Variants in XPA observed in about 807,000 individuals in gnomAD.
XPA encodes the protein DNA repair protein complementing XP-A cells.
Under a neutral mutation model 35.7 loss-of-function variants are expected in XPA, and 27 were observed. The observed-to-expected ratio is 0.76, with a 90% CI of 0.56 to 1.04. The LOEUF is 1.04. Among genes scored for constraint, XPA ranks in the 50% least tolerant of loss-of-function variants. The pLI is 0.00. For synonymous variants in XPA, 133 were observed against 118.4 expected (o/e 1.12, Z -0.80); for missense variants, 354 against 342.7 (o/e 1.03, Z -0.26).
In XPA at chr9:97,675,411, C is replaced by A; in HGVS notation, c.*28G>T. The A allele has an allele frequency of 6.2e-7, 1 of 1,602,524 alleles. No individual in the cohort carries two copies. Among genetic ancestry groups the A allele is most frequent in the Admixed American group, 1.7e-5 (1 of 58,752 alleles). The stretch of plus-strand genomic sequence containing the variant: ...ATTTCCTTTATTTAAATATAAAATT[C>A]TATAAAACAGGTCACTGAACTAAAA... On this transcript the variant is annotated 3_prime_UTR_variant, in exon 6 of 6. Transcript: ENST00000375128.
At chr9:97,679,248 G>GA (rs944061456) in intron 5 of XPA, among the ~76,000 whole-genome samples, 10 of 152,188 alleles carry the variant, frequency 6.6e-5, no homozygotes, top group African/African-American at 2.2e-4. Flanking sequence ...AAATGGTTCG[G>GA]AAAAAAATAA....
chr9:97,668,802 G>T, the XPA span: 1 of 1,593,276 alleles, frequency 6.3e-7, no homozygotes, highest in Non-Finnish European at 8.6e-7. Flanking sequence ...TTAACACACT[G>T]GAATCTAAAT....
the XPA span, chr9:97,655,907 T>A: frequency 7.4e-7 from 1 of 1,359,230 alleles, no homozygotes; most frequent in Non-Finnish European, 1.0e-6. Flanking sequence ...AATTATAACT[T>A]AACAAAACTT....
intron 3 of XPA, among the ~76,000 whole-genome samples, chr9:97,687,474 A>G (rs1437433862): frequency 6.6e-6 from 1 of 152,226 alleles, no homozygotes. Flanking sequence ...TAGAGAAAAA[A>G]ACATTCCTAG....
At chr9:97,689,076 A>G (rs552029144) in intron 3 of XPA, among the ~76,000 whole-genome samples, 44 of 152,306 alleles carry the variant, frequency 2.9e-4, no homozygotes, top group African/African-American at 9.6e-4. Flanking sequence ...TTCCTCATCT[A>G]TTCTCTCTAT....
chr9:97,692,385 A>G (rs115318692), intron 2 of XPA, among the ~76,000 whole-genome samples: 1,671 of 152,298 alleles, frequency 0.011, 21 homozygotes, highest in African/African-American at 0.037. Context: ...CTCCTTCATT[A>G]TAACACACTA....
At chr9:97,657,926 ATTTTTTT>A in the XPA span, among the ~76,000 whole-genome samples, 389 of 91,390 alleles carry the variant, frequency 4.3e-3, 3 homozygotes, top group African/African-American at 0.015. Context: ...ATATATATAT[ATTTTTTT>A]TTTTTTTTTT....
chr9:97,668,282 C>T, the XPA span, among the ~76,000 whole-genome samples: 2 of 152,066 alleles, frequency 1.3e-5, no homozygotes, highest in African/African-American at 4.8e-5. Context: ...TTTTCTTTTC[C>T]TTTAAAAAGA....
chr9:97,666,697 T>A, the XPA span: 1 of 1,100,940 alleles, frequency 9.1e-7, no homozygotes, highest in Non-Finnish European at 1.3e-6. Flanking sequence ...ATTACAAAAG[T>A]TGAAAGATTT....
At chr9:97,657,000 G>A in the XPA span, among the ~76,000 whole-genome samples, 22 of 152,016 alleles carry the variant, frequency 1.4e-4, no homozygotes, top group Non-Finnish European at 2.5e-4. Context: ...TTGGAGTCTC[G>A]CTCTGTCACC....
the XPA span, among the ~76,000 whole-genome samples, chr9:97,655,303 T>C: frequency 5.3e-5 from 8 of 152,314 alleles, no homozygotes; most frequent in Middle Eastern, 3.4e-3. Context: ...CTTGAACTTA[T>C]GGGCTCAAGC....
chr9:97,657,544 TA>T, the XPA span, among the ~76,000 whole-genome samples: 3 of 152,310 alleles, frequency 2.0e-5, no homozygotes, highest in South Asian at 2.1e-4. Flanking sequence ...CAGCTTTCTC[TA>T]CCTTAACCTC....
Position 97,687,198 on chromosome 9 carries a change from T to C in XPA, c.453A>G (p.Lys151=), listed in dbSNP as rs1828746278. The change falls in exon 4 of 6, where the codon AAA becomes AAG. Residue 151 remains lysine (K), a synonymous_variant. Transcript: ENST00000375128. ...GCTCTCTTTTTTCTAAATCACAGTC[T>C]TTCAGAAGATATTCTTGTTTTGCCT... ...KTEAKQEYLL[K]DCDLEKREPP... 5 of 1,611,588 alleles carry C rather than the reference T, an allele frequency of 3.1e-6. No individual in the cohort carries two copies. The highest frequency in any genetic ancestry group is 4.2e-6 in the Non-Finnish European group (5 of 1,179,328).
intron 5 of XPA, among the ~76,000 whole-genome samples, chr9:97,681,572 C>CT (rs1357091535): frequency 1.3e-5 from 2 of 152,016 alleles, no homozygotes. Context: ...AGAAGGGTAA[C>CT]CTCTACCAGT....
intron 3 of XPA, among the ~76,000 whole-genome samples, chr9:97,687,507 G>C (rs1828758242): frequency 6.6e-6 from 1 of 152,202 alleles, no homozygotes; most frequent in East Asian, 1.9e-4. Flanking sequence ...CAAGGGAAAA[G>C]GCTCTAGGGC....
the XPA span, among the ~76,000 whole-genome samples, chr9:97,657,315 C>T: frequency 2.0e-5 from 3 of 152,192 alleles, no homozygotes; most frequent in African/African-American, 7.2e-5. Context: ...TTGTCATTCT[C>T]TTCAGATTCC....
At chr9:97,692,581 C>G (rs1381086229) in intron 2 of XPA, among the ~76,000 whole-genome samples, 1 of 152,018 alleles carries the variant, frequency 6.6e-6, no homozygotes, top group African/African-American at 2.4e-5. Context: ...GGTAGAAATA[C>G]CAATTAGGAA....
chr9:97,672,402 A>G (rs1003214933), downstream of XPA: 1 of 152,216 alleles, frequency 6.6e-6, no homozygotes, highest in East Asian at 1.9e-4. Context: ...TTTAGTGGCT[A>G]CAGAATGTAG....
chr9:97,689,776 T>C (rs1288336675), intron 2 of XPA, 137 bp from the exon 3 acceptor site: 2 of 531,994 alleles, frequency 3.8e-6, no homozygotes, highest in Non-Finnish European at 3.3e-6. Flanking sequence ...TAAGACCTTA[T>C]GTTTATCTAA....
Sources: gnomAD v4.1 joint callset for allele counts (sites outside exome capture counted in the v4.1 genomes callset) on GRCh38, gnomAD v4.1.1 for gene constraint, MANE v1.5 for transcripts, NCBI Gene and HGNC (gene_info 2026-07-23, HGNC 2026-07-21) for gene names.